PXDNL: variants seen among roughly 807,000 people sequenced by gnomAD.
PXDNL encodes the protein peroxidasin like, also known as probable oxidoreductase PXDNL.
In PXDNL, 145 loss-of-function variants were observed where a neutral mutation model predicts 150.8. The observed-to-expected ratio is 0.96, with a 90% CI of 0.84 to 1.10. The LOEUF is 1.10. Ranked by LOEUF, PXDNL falls within the 50% of genes least tolerant of loss-of-function variation. The pLI, the probability that PXDNL is intolerant of heterozygous loss-of-function variation, is 0.00. For synonymous variants in PXDNL, 757 were observed against 725.7 expected (o/e 1.04, Z -0.69); for missense variants, 2,087 against 1,873.9 (o/e 1.11, Z -2.10).
chr8:51,511,601 AG>A (rs1237987361), intron 4 of PXDNL, among the ~76,000 whole-genome samples: 1 of 152,144 alleles, frequency 6.6e-6, no homozygotes, highest in African/African-American at 2.4e-5. Flanking sequence ...TGTACTCCAA[AG>A]CCACTCACTG....
intron 17 of PXDNL, among the ~76,000 whole-genome samples, chr8:51,377,165 C>T (rs1807348442): frequency 6.7e-6 from 1 of 150,186 alleles, no homozygotes; most frequent in South Asian, 2.1e-4. Flanking sequence ...CATTTCTGGA[C>T]ACTCTCAGAT....
chr8:51,404,870 G>A (rs536689158), intron 17 of PXDNL, among the ~76,000 whole-genome samples: 1 of 152,322 alleles, frequency 6.6e-6, no homozygotes, highest in South Asian at 2.1e-4. Context: ...CCCCAGAGCA[G>A]GGGACGGTGA....
At chr8:51,534,909 C>T (rs1358693824) in intron 4 of PXDNL, among the ~76,000 whole-genome samples, 12 of 105,720 alleles carry the variant, frequency 1.1e-4, no homozygotes, top group Non-Finnish European at 1.7e-4. Context: ...TCTGCCCGGC[C>T]GCCCCTAGGA....
At chr8:51,348,901 A>T (rs1806248854) in intron 19 of PXDNL, among the ~76,000 whole-genome samples, 5 of 152,222 alleles carry the variant, frequency 3.3e-5, no homozygotes, top group Admixed American at 3.3e-4. Context: ...GAATGAGGAA[A>T]ACAGAAGAAA....
At chr8:51,355,007 C>A (rs17261657) in intron 19 of PXDNL, among the ~76,000 whole-genome samples, 25,939 of 152,030 alleles carry the variant, frequency 0.17, 2,826 homozygotes, top group Middle Eastern at 0.31. Context: ...GTTTTTCACA[C>A]AAGATATTAG....
intron 6 of PXDNL, among the ~76,000 whole-genome samples, chr8:51,477,691 A>G (rs897540277): frequency 1.3e-5 from 2 of 152,166 alleles, no homozygotes; most frequent in African/African-American, 4.8e-5. Context: ...CTCTGACTTG[A>G]ACATAAGCAA....
At chr8:51,541,256 A>AT (rs747429041) in intron 4 of PXDNL, among the ~76,000 whole-genome samples, 1 of 151,008 alleles carries the variant, frequency 6.6e-6, no homozygotes, top group African/African-American at 2.4e-5. Context: ...GACTCCATAA[A>AT]AAAAAAAAAA....
At chr8:51,507,279 T>C (rs1487630834) in intron 4 of PXDNL, among the ~76,000 whole-genome samples, 3 of 152,180 alleles carry the variant, frequency 2.0e-5, no homozygotes, top group African/African-American at 7.2e-5. Flanking sequence ...AGAAAAGGAT[T>C]CTCTACCTAA....
chr8:51,328,041 G>T (rs1377655373), intron 21 of PXDNL, among the ~76,000 whole-genome samples: 1 of 152,222 alleles, frequency 6.6e-6, no homozygotes, highest in East Asian at 1.9e-4. Context: ...TGAATTCTGG[G>T]TAAAGCAGAT....
chr8:51,330,358 T>C (rs918815654), intron 21 of PXDNL, among the ~76,000 whole-genome samples: 22 of 150,860 alleles, frequency 1.5e-4, no homozygotes, highest in African/African-American at 4.7e-4. Context: ...AATGGAAAAC[T>C]AATATAAAAT....
chr8:51,385,840 T>C lies in PXDNL; in HGVS notation c.3558-11109A>G, dbSNP rs1484300343. ...GTTTCTCCTTTCACTTGGCTCTCAT[T>C]CTCTCTTGCCTGCCACCAGGTAAGA... On this transcript the variant is annotated intron_variant, in intron 17 of 22. Transcript: ENST00000356297. 2.6e-5 allele frequency among the ~76,000 whole-genome samples: 4 copies of C among 152,144 alleles called. No homozygotes were observed. In the East Asian group the frequency reaches 7.7e-4, roughly 29 times the overall value.
At chr8:51,595,994 C>G (rs1331220753) in intron 2 of PXDNL, among the ~76,000 whole-genome samples, 1 of 151,886 alleles carries the variant, frequency 6.6e-6, no homozygotes, top group Non-Finnish European at 1.5e-5. Flanking sequence ...ATGGATAATC[C>G]CATCACCCCG....
chr8:51,587,086 G>A (rs1210466126), intron 3 of PXDNL, among the ~76,000 whole-genome samples: 1 of 152,080 alleles, frequency 6.6e-6, no homozygotes. Context: ...ACAGTGATTT[G>A]ATATCATTAT....
intron 1 of PXDNL, among the ~76,000 whole-genome samples, chr8:51,709,475 C>T (rs1314914366): frequency 6.6e-6 from 1 of 152,078 alleles, no homozygotes; most frequent in African/African-American, 2.4e-5. Flanking sequence ...AGGATGTTCT[C>T]AATTTCCTGA....
chr8:51,475,142 C>A lies in PXDNL; in HGVS notation c.525-1G>T. On this transcript the variant is annotated splice_acceptor_variant, in intron 6 of 22. Transcript: ENST00000356297. LOFTEE classifies it high-confidence loss of function. ...AACCAGGGCGTTGGAATCCAGACGC[C>A]TAGGCATGCAGGCAAGAAGTACAAC... 1.2e-6 allele frequency: 2 copies of A among 1,610,648 alleles called. No individual in the cohort carries two copies. Among genetic ancestry groups the A allele is most frequent in the Non-Finnish European group, 1.7e-6 (2 of 1,177,498 alleles).
chr8:51,408,140 A>G lies in PXDNL; in HGVS notation c.3484T>C (p.Leu1162=), dbSNP rs1586080081. 2.5e-6 allele frequency: 4 copies of G among 1,613,432 alleles called. No homozygotes were observed. The highest frequency in any genetic ancestry group is 1.1e-5 in the South Asian group (1 of 90,930). Residue 1162 remains leucine (L), a synonymous_variant, in exon 17 of 23, where the codon TTG becomes CTG. Coordinates refer to ENST00000356297, the MANE Select transcript of PXDNL (RefSeq NM_144651.5). Reference sequence around the variant, plus strand: ...TCCTCAAAGTTCTTAACTGAAGTCAAATTACAGAAAACTCTGAAGTCAACA... The same window carrying G: ...TCCTCAAAGTTCTTAACTGAAGTCAGATTACAGAAAACTCTGAAGTCAACA... ...PYVDFRVFCN[L]TSVKNFEDLQ...
chr8:51,665,203 T>C (rs992911639), intron 1 of PXDNL, among the ~76,000 whole-genome samples: 3 of 152,134 alleles, frequency 2.0e-5, no homozygotes, highest in Non-Finnish European at 4.4e-5. Context: ...GCCTTTGCAA[T>C]GGAGGCAGTT....
intron 19 of PXDNL, among the ~76,000 whole-genome samples, chr8:51,352,068 G>A (rs1234066858): frequency 2.0e-5 from 3 of 151,890 alleles, no homozygotes; most frequent in African/African-American, 7.3e-5. Flanking sequence ...GACTCCTCAG[G>A]GTTACATTAG....
intron 1 of PXDNL, among the ~76,000 whole-genome samples, chr8:51,693,447 T>C (rs936077500): frequency 6.6e-6 from 1 of 152,206 alleles, no homozygotes; most frequent in African/African-American, 2.4e-5. Flanking sequence ...TGAGTTTAAG[T>C]TTCTTGCACA....
Sources: gnomAD v4.1 joint callset for allele counts (sites outside exome capture counted in the v4.1 genomes callset) on GRCh38, gnomAD v4.1.1 for gene constraint, MANE v1.5 for transcripts, NCBI Gene and HGNC (gene_info 2026-07-23, HGNC 2026-07-21) for gene names.